CFAP46: variants seen among roughly 807,000 people sequenced by gnomAD.
The protein encoded by CFAP46 is cilia- and flagella-associated protein 46.
A neutral mutation model predicts 325.7 loss-of-function variants in CFAP46; 245 were observed. That is an observed-to-expected ratio of 0.75 (90% confidence interval 0.68 to 0.84). The LOEUF (loss-of-function observed/expected upper bound fraction) is 0.84, where lower values mean the gene tolerates loss of function less well. Ranked by LOEUF, CFAP46 falls within the 40% of genes least tolerant of loss-of-function variation. The probability of loss-of-function intolerance (pLI) is 0.00; values close to 1 mark genes in which losing one functional copy is unlikely to be tolerated. For synonymous variants in CFAP46, 1,523 were observed against 1,495.9 expected (o/e 1.02, Z -0.42); for missense variants, 3,346 against 3,543.0 (o/e 0.94, Z 1.41).
At position 132,916,592 on chromosome 10, in the gene CFAP46, C is replaced by T. The variant is rs770853417; in HGVS notation, c.2077G>A (p.Val693Met). 20 of 1,547,330 alleles carry T rather than the reference C, an allele frequency of 1.3e-5. No individual in the cohort carries two copies. The East Asian group carries it at 2.2e-4, about 17-fold the overall frequency. The part of the protein sequence containing the change: ...EDLSQHPAGY[V>M]PEPPEVNAEW... ...GCATTCACCTCCGGGGGCTCAGGCA[C>T]GTAGCCAGCTGGGTGCTGGCTCAGG... Residue 693 changes from valine to methionine, a missense_variant, in exon 17 of 58, where the codon GTG becomes ATG. By Grantham distance (21) the Val-to-Met change is conservative. Coordinates refer to ENST00000368586, the MANE Select transcript of CFAP46 (RefSeq NM_001200049.3).
At chr10:132,905,986 A>G (rs1465750927) in intron 22 of CFAP46, among the ~76,000 whole-genome samples, 2 of 152,224 alleles carry the variant, frequency 1.3e-5, no homozygotes, top group South Asian at 2.1e-4. Flanking sequence ...CTGCAGGGAA[A>G]ATGTAACCTC....
chr10:132,843,062 CCT>C (rs1400847730), intron 44 of CFAP46, among the ~76,000 whole-genome samples: 1 of 152,220 alleles, frequency 6.6e-6, no homozygotes, highest in East Asian at 1.9e-4. Flanking sequence ...CCAATGTCCC[CCT>C]CAGACAGGGT....
Position 132,879,492 on chromosome 10 carries a change from C to T in CFAP46, c.3939G>A (p.Ser1313=), listed in dbSNP as rs1258826810. ...RVHILLALVL[S]PGAEGYEDCC... ...AGTCCTCGTAGCCCTCGGCGCCCGG[C>T]GACAGCACCAGGGCCAGCAGGATGT... Residue 1313 remains serine (S), a synonymous_variant, in exon 29 of 58, where the codon TCG becomes TCA. Coordinates refer to ENST00000368586, the MANE Select transcript of CFAP46 (RefSeq NM_001200049.3). 23 of 1,546,550 alleles carry T rather than the reference C, an allele frequency of 1.5e-5. No homozygotes were observed. The highest frequency in any genetic ancestry group is 1.9e-5 in the Non-Finnish European group (22 of 1,145,652).
chr10:132,857,371 C>T (rs1002909998), intron 39 of CFAP46, among the ~76,000 whole-genome samples: 7 of 152,264 alleles, frequency 4.6e-5, no homozygotes, highest in African/African-American at 1.4e-4. Context: ...GACCTTAGCT[C>T]AGGGACCACT....
intron 17 of CFAP46, among the ~76,000 whole-genome samples, chr10:132,914,833 T>C (rs1427323248): frequency 6.6e-6 from 1 of 152,042 alleles, no homozygotes; most frequent in Non-Finnish European, 1.5e-5. Context: ...CGAGGCTGTG[T>C]CCAGCCACAC....
At position 132,886,107 on chromosome 10, in the gene CFAP46, G is replaced by A. The variant is rs560555161; in HGVS notation, c.3305-148C>T. 7.9e-6 allele frequency: 9 copies of A among 1,141,318 alleles called. No individual in the cohort carries two copies. The African/African-American group carries it at 1.4e-4, about 18-fold the overall frequency. The allele number at this position is 1,141,318 out of a possible 1,614,324, so 70.7% of individuals were successfully genotyped here. ...GCCCAGGCCAGCGCATGCCCCGCAGGGCTGAAGTGAGCTGTGGACCTGCAT... is the reference window on the plus strand; with the variant it reads ...GCCCAGGCCAGCGCATGCCCCGCAGAGCTGAAGTGAGCTGTGGACCTGCAT... On this transcript the variant is annotated intron_variant, in intron 25 of 57. Transcript: ENST00000368586. This position sits in a 1 kb window ranked among gnomAD's most constrained non-coding sequence, Gnocchi z 5.8.
Position 132,817,880 on chromosome 10 carries a change from C to T in CFAP46, c.7118-2966G>A, listed in dbSNP as rs1172542114. ...CTGGGTCACAGTGAACGGCGTCGGC[C>T]GCGCTCTGCCTGGAGGCTCCCGGGG... On this transcript the variant is annotated intron_variant, in intron 50 of 57. Coordinates refer to ENST00000368586, the MANE Select transcript of CFAP46 (RefSeq NM_001200049.3). This position sits in a 1 kb window ranked among gnomAD's most constrained non-coding sequence, Gnocchi z 4.4. Among the ~76,000 whole-genome samples, 1 of 152,232 alleles carries T rather than the reference C, an allele frequency of 6.6e-6. No individual in the cohort carries two copies. The highest frequency in any genetic ancestry group is 1.5e-5 in the Non-Finnish European group (1 of 68,042).
intron 13 of CFAP46, 67 bp downstream of exon 13, chr10:132,922,037 C>T (rs1488096586): frequency 7.3e-6 from 11 of 1,506,308 alleles, no homozygotes; most frequent in African/African-American, 4.2e-5. Flanking sequence ...GGGGAGGCCC[C>T]GGGGCAGCCT....
chr10:132,885,936 G>C lies in CFAP46; in HGVS notation c.3328C>G (p.Arg1110Gly), dbSNP rs751718347. 7.7e-6 allele frequency: 12 copies of C among 1,549,836 alleles called. No homozygotes were observed. The highest frequency in any genetic ancestry group is 1.0e-5 in the Non-Finnish European group (12 of 1,146,610). Residue 1110 changes from arginine (R) to glycine (G), a missense_variant, in exon 26 of 58, where the codon CGT (arginine) becomes GGT (glycine). Arg to Gly is a moderately radical substitution (Grantham distance 125). Transcript: ENST00000368586. ...LPGAEDDLAL[R>G]AALYGLLFHS... Reference sequence around the variant, plus strand: ...AAGAGCAGGCCGTAGAGCGCAGCACGGAGCGCCAGGTCGTCCTCAGCCCCT... The same window carrying C: ...AAGAGCAGGCCGTAGAGCGCAGCACCGAGCGCCAGGTCGTCCTCAGCCCCT...
At chr10:132,825,630 TATA>T (rs1434961900) in intron 50 of CFAP46, among the ~76,000 whole-genome samples, 2 of 152,170 alleles carry the variant, frequency 1.3e-5, no homozygotes. Flanking sequence ...TAAATTAGAC[TATA>T]ATAACATTAA....
chr10:132,822,897 CTGA>C (rs1325933480), intron 50 of CFAP46, among the ~76,000 whole-genome samples: 12 of 123,072 alleles, frequency 9.8e-5, no homozygotes, highest in East Asian at 2.7e-4. Flanking sequence ...CTGATGTGTG[CTGA>C]TGTGTGCTGT....
In CFAP46 at chr10:132,899,408, G is replaced by T. The variant is rs1849363239; in HGVS notation, c.3056+127C>A. ...ACTGTGCCCTGAACTGGCCGCACCG[G>T]CCACCTCCCCTCGCCGGCAGGAGCC... On this transcript the variant is annotated intron_variant, in intron 23 of 57. Transcript: ENST00000368586. 7 of 1,335,278 alleles carry T rather than the reference G, an allele frequency of 5.2e-6. No homozygotes were observed. The South Asian group carries it at 6.2e-5, about 12-fold the overall frequency. 82.7% of individuals were successfully genotyped at this position (1,335,278 alleles called of 1,614,324 possible).
intron 9 of CFAP46, among the ~76,000 whole-genome samples, chr10:132,928,547 C>T (rs1350335905): frequency 1.3e-5 from 2 of 152,094 alleles, no homozygotes; most frequent in Non-Finnish European, 1.5e-5. Context: ...CAGCCCTCAG[C>T]GTGACTGGAC....
In CFAP46 at chr10:132,915,695, T is replaced by C. The variant is rs183553186; in HGVS notation, c.2120+854A>G. ...GTCGGGGACACCCGAGCTTACCACGTTCGTGTGCTTGACGCAGCTGCATTG... is the reference window on the plus strand; with the variant it reads ...GTCGGGGACACCCGAGCTTACCACGCTCGTGTGCTTGACGCAGCTGCATTG... On this transcript the variant is annotated intron_variant, in intron 17 of 57. Coordinates refer to ENST00000368586, the MANE Select transcript of CFAP46 (RefSeq NM_001200049.3). Among the ~76,000 whole-genome samples the C allele has an allele frequency of 2.6e-3, 394 of 152,344 alleles. 2 individuals are homozygous for C. The highest frequency in any genetic ancestry group is 3.9e-3 in the Non-Finnish European group (263 of 68,030).
intron 47 of CFAP46, 89 bp downstream of exon 47, chr10:132,835,215 C>T (rs1848220240): frequency 6.5e-7 from 1 of 1,542,418 alleles, no homozygotes. Context: ...TAGCGCCCCG[C>T]CCCTCCCCCC....
intron 39 of CFAP46, among the ~76,000 whole-genome samples, chr10:132,854,919 T>G (rs1184362165): frequency 1.6e-5 from 1 of 63,792 alleles, no homozygotes; most frequent in Non-Finnish European, 4.1e-5. Context: ...TCTTTTAAAA[T>G]TATTGAGACT....
At chr10:132,880,086 C>A (rs1287924445) in intron 28 of CFAP46, among the ~76,000 whole-genome samples, 1 of 151,470 alleles carries the variant, frequency 6.6e-6, no homozygotes, top group Non-Finnish European at 1.5e-5. Flanking sequence ...CTAGGATGGC[C>A]CTGCTGTGCG....
rs1850111727 is a variant in CFAP46, at chr10:132,942,027, T to C, written c.127A>G (p.Ser43Gly). ...AGAACAAACAGGTCTGGGCTGAAGC[T>C]CTCTGAGGGGTCAAACTCCGATTTC... ...LGKSEFDPSE[S>G]FSPDLFVLCA... The change falls in exon 2 of 58, where the codon AGC (serine) becomes GGC (glycine). Residue 43 changes from serine to glycine, a missense_variant. Transcript: ENST00000368586. 3.2e-6 allele frequency: 5 copies of C among 1,551,822 alleles called. No homozygotes were observed. In the East Asian group the frequency reaches 1.2e-4, roughly 38 times the overall value.
At chr10:132,910,802 T>G (rs938812751) in intron 19 of CFAP46, among the ~76,000 whole-genome samples, 3 of 152,206 alleles carry the variant, frequency 2.0e-5, no homozygotes, top group Non-Finnish European at 1.5e-5. Flanking sequence ...CCATCCTTCC[T>G]TCTGGATAAA....
Sources: allele counts gnomAD v4.1 joint callset (sites outside exome capture counted in the v4.1 genomes callset), GRCh38; gene constraint gnomAD v4.1.1; non-coding constraint Gnocchi (gnomAD v3.1); transcripts MANE v1.5; gene names NCBI Gene and HGNC (gene_info 2026-07-23, HGNC 2026-07-21).